RAB27A: variants seen among roughly 807,000 people sequenced by gnomAD.
The protein encoded by RAB27A is RAB27A, member RAS oncogene family.
In RAB27A, 17 loss-of-function variants were observed where a neutral mutation model predicts 20.8. The observed-to-expected ratio is 0.82, with a 90% CI of 0.56 to 1.23. The LOEUF (loss-of-function observed/expected upper bound fraction) is 1.23. Among genes scored for constraint, RAB27A ranks in the 50% most tolerant of loss-of-function variants. RAB27A has a pLI of 0.00. For synonymous variants in RAB27A, 85 were observed against 92.8 expected (o/e 0.92, Z 0.48); for missense variants, 277 against 266.7 (o/e 1.04, Z -0.27).
rs539077566 is a variant in RAB27A, at chr15:55,245,303, C to T, written c.-22-10347G>A. ...GTCTAGATGTGCGTAGATATGGTTG[C>T]GCCCTCCCTAATATGTCAAGAGTGG... On this transcript the variant is annotated intron_variant, in intron 2 of 6. Transcript: ENST00000336787. 5.3e-5 allele frequency among the ~76,000 whole-genome samples: 8 copies of T among 152,252 alleles called. No homozygotes were observed. The East Asian group carries it at 7.7e-4, about 15-fold the overall frequency.
intron 6 of RAB27A, among the ~76,000 whole-genome samples, chr15:55,218,742 C>CTTTTTT (rs565996048): frequency 7.4e-6 from 1 of 135,868 alleles, no homozygotes; most frequent in African/African-American, 2.7e-5. Flanking sequence ...AGTTCACATT[C>CTTTTTT]TTTTTTTTTT....
At chr15:55,230,590 A>G in intron 3 of RAB27A, 104 bp from the exon 4 acceptor site, 2 of 838,444 alleles carry the variant, frequency 2.4e-6, no homozygotes, top group Non-Finnish European at 4.0e-6. Flanking sequence ...TAAAATTCCA[A>G]AGAGAATGCC....
chr15:55,252,909 T>C (rs145017371), intron 2 of RAB27A, among the ~76,000 whole-genome samples: 8,473 of 148,906 alleles, frequency 0.057, 821 homozygotes, highest in African/African-American at 0.2. Flanking sequence ...CCAAGGCGGG[T>C]GGATCACGAG....
At chr15:55,229,780 T>C (rs1325086300) in intron 4 of RAB27A, among the ~76,000 whole-genome samples, 2 of 151,904 alleles carry the variant, frequency 1.3e-5, no homozygotes, top group Non-Finnish European at 2.9e-5. Flanking sequence ...GGGGGTGGGG[T>C]GAGAAGAGGT....
intron 1 of RAB27A, among the ~76,000 whole-genome samples, chr15:55,274,810 A>ATATATATATATATG (rs1455414137): frequency 4.4e-5 from 6 of 134,992 alleles, no homozygotes; most frequent in African/African-American, 1.1e-4. Context: ...ATATATATAT[A>ATATATATATATATG]TATATATATA....
chr15:55,298,204 CAAAAA>C (rs545657585), intron 2 of RAB27A, among the ~76,000 whole-genome samples: 1 of 63,500 alleles, frequency 1.6e-5, no homozygotes, highest in Non-Finnish European at 3.4e-5. Flanking sequence ...GACTCCGTCT[CAAAAA>C]AAAAAAAAAA....
chr15:55,247,086 A>G (rs1896716232), intron 2 of RAB27A, among the ~76,000 whole-genome samples: 1 of 152,214 alleles, frequency 6.6e-6, no homozygotes, highest in Admixed American at 6.5e-5. Flanking sequence ...GTCTACCTTC[A>G]GGATGACACT....
chr15:55,314,729 G>A (rs572567995), intron 1 of RAB27A, among the ~76,000 whole-genome samples: 2 of 152,080 alleles, frequency 1.3e-5, no homozygotes, highest in Non-Finnish European at 2.9e-5. Flanking sequence ...ACCTCTTCAA[G>A]GAGAACTACA....
intron 5 of RAB27A, among the ~76,000 whole-genome samples, chr15:55,226,509 TTGTGTGTGTG>T (rs36074324): frequency 6.7e-6 from 1 of 148,758 alleles, no homozygotes; most frequent in Non-Finnish European, 1.5e-5. Context: ...TTTTATGTAT[TTGTGTGTGTG>T]TGTGTGTGTG....
At chr15:55,256,933 C>A (rs1299281674) in intron 2 of RAB27A, among the ~76,000 whole-genome samples, 1 of 152,198 alleles carries the variant, frequency 6.6e-6, no homozygotes, top group African/African-American at 2.4e-5. Flanking sequence ...TCCCTTCTAT[C>A]ACCTCTCACT....
At chr15:55,250,861 C>T (rs1276169888) in intron 2 of RAB27A, among the ~76,000 whole-genome samples, 1 of 152,202 alleles carries the variant, frequency 6.6e-6, no homozygotes, top group Non-Finnish European at 1.5e-5. Context: ...TGCAAACTTT[C>T]TTTAGCAATA....
At chr15:55,261,874 C>T (rs900086545) in intron 2 of RAB27A, among the ~76,000 whole-genome samples, 1 of 151,436 alleles carries the variant, frequency 6.6e-6, no homozygotes, top group African/African-American at 2.4e-5. Flanking sequence ...CCCATCTCTA[C>T]TAAAGATACA....
rs1409851916 is a variant in RAB27A, at chr15:55,205,480, G to T, written c.*27C>A. ...AGAAGATCCCAGGCATGGGCCACCT[G>T]AACTACTATGTCGCTTACTTGACTT... On this transcript the variant is annotated 3_prime_UTR_variant, in exon 7 of 7. Transcript: ENST00000336787. 1 of 1,604,604 alleles carries T rather than the reference G, an allele frequency of 6.2e-7. No individual in the cohort carries two copies. The highest frequency in any genetic ancestry group is 8.5e-7 in the Non-Finnish European group (1 of 1,171,518).
At chr15:55,213,781 A>C (rs1723911188) in intron 6 of RAB27A, among the ~76,000 whole-genome samples, 1 of 152,210 alleles carries the variant, frequency 6.6e-6, no homozygotes, top group Non-Finnish European at 1.5e-5. Context: ...GTCCAGTTGC[A>C]GGAAAACAAG....
At chr15:55,272,195 G>C (rs891531879) in intron 1 of RAB27A, among the ~76,000 whole-genome samples, 3 of 152,136 alleles carry the variant, frequency 2.0e-5, no homozygotes, top group African/African-American at 7.2e-5. Context: ...GGGGGAGATC[G>C]AGACCATCCT....
intron 2 of RAB27A, among the ~76,000 whole-genome samples, chr15:55,312,061 A>T (rs1201801106): frequency 2.6e-5 from 4 of 152,220 alleles, no homozygotes; most frequent in Non-Finnish European, 2.9e-5. Context: ...AGAACCGTGG[A>T]ACCCAGTGAC....
At chr15:55,278,541 G>A (rs1595744069) in intron 1 of RAB27A, among the ~76,000 whole-genome samples, 1 of 149,290 alleles carries the variant, frequency 6.7e-6, no homozygotes, top group East Asian at 2.0e-4. Context: ...GGAGTGCAGT[G>A]GCACGATCTC....
chr15:55,313,593 G>A (rs188172168), intron 2 of RAB27A, among the ~76,000 whole-genome samples: 17 of 152,094 alleles, frequency 1.1e-4, no homozygotes, highest in Non-Finnish European at 1.6e-4. Flanking sequence ...CCTATGCTAC[G>A]CCAGGCGCAG....
At chr15:55,300,281 T>C (rs920276019) in intron 2 of RAB27A, among the ~76,000 whole-genome samples, 6 of 152,150 alleles carry the variant, frequency 3.9e-5, no homozygotes, top group African/African-American at 9.7e-5. Context: ...TAAGTATACA[T>C]AGACTGTCAT....
Sources: gnomAD v4.1 joint callset for allele counts (sites outside exome capture counted in the v4.1 genomes callset) on GRCh38, gnomAD v4.1.1 for gene constraint, MANE v1.5 for transcripts, NCBI Gene and HGNC (gene_info 2026-07-23, HGNC 2026-07-21) for gene names.